Variants in ADAMTS3 observed in about 807,000 individuals in gnomAD.
ADAMTS3 encodes A disintegrin and metalloproteinase with thrombospondin motifs 3.
In ADAMTS3, 73 loss-of-function variants were observed where a neutral mutation model predicts 129.0. The observed-to-expected ratio is 0.57, with a 90% CI of 0.47 to 0.69. ADAMTS3 has a LOEUF of 0.69. ADAMTS3 is among the 30% of genes least tolerant of loss of function. The pLI, the probability that ADAMTS3 is intolerant of heterozygous loss-of-function variation, is 0.00. For missense variants in ADAMTS3, 1,457 were observed against 1,514.5 expected, an observed-to-expected ratio of 0.96 and a Z score of 0.63; for synonymous variants, 477 against 510.8, an observed-to-expected ratio of 0.93 and a Z score of 0.89.
intron 2 of ADAMTS3, 54 bp from the exon 3 acceptor site, chr4:72,548,938 G>T: frequency 6.5e-7 from 1 of 1,532,900 alleles, no homozygotes; most frequent in South Asian, 1.2e-5. Flanking sequence ...GAACACAGGA[G>T]AACATAACAC....
chr4:72,316,458 G>C (rs369325398), intron 10 of ADAMTS3, among the ~76,000 whole-genome samples: 1 of 152,192 alleles, frequency 6.6e-6, no homozygotes, highest in East Asian at 1.9e-4. Context: ...GGCTGAGATG[G>C]GTGGATCACC....
chr4:72,442,326 T>G (rs893176592), intron 3 of ADAMTS3: 4 of 151,826 alleles, frequency 2.6e-5, no homozygotes, highest in Non-Finnish European at 5.9e-5. Flanking sequence ...AGAGGTTTAT[T>G]TGTCCTGCAG....
At chr4:72,539,173 T>TA (rs1470067026) in intron 3 of ADAMTS3, among the ~76,000 whole-genome samples, 28 of 151,848 alleles carry the variant, frequency 1.8e-4, no homozygotes, top group Non-Finnish European at 2.7e-4. Flanking sequence ...TTCATGAAAA[T>TA]AAAAAGATTT....
chr4:72,339,422 G>T, intron 5 of ADAMTS3, 72 bp downstream of exon 5: 1 of 1,479,266 alleles, frequency 6.8e-7, no homozygotes, highest in Non-Finnish European at 9.4e-7. Context: ...CACACAGATT[G>T]CCAAAGGGTA....
chr4:72,478,337 A>C (rs1255013392), intron 3 of ADAMTS3, among the ~76,000 whole-genome samples: 1 of 150,166 alleles, frequency 6.7e-6, no homozygotes, highest in African/African-American at 2.4e-5. Context: ...CAAAAAGCTT[A>C]TCCACCATGA....
chr4:72,345,775 A>C (rs1245825322), intron 4 of ADAMTS3, among the ~76,000 whole-genome samples: 1 of 152,160 alleles, frequency 6.6e-6, no homozygotes, highest in Non-Finnish European at 1.5e-5. Flanking sequence ...TTTAGATGGG[A>C]AACTTCTTAC....
intron 4 of ADAMTS3, among the ~76,000 whole-genome samples, chr4:72,398,153 T>C (rs1578644549): frequency 6.6e-6 from 1 of 152,160 alleles, no homozygotes; most frequent in South Asian, 2.1e-4. Flanking sequence ...CGGAAAACTA[T>C]TTATATAAAT....
intron 5 of ADAMTS3, among the ~76,000 whole-genome samples, chr4:72,339,062 CAG>C (rs2109831065): frequency 6.6e-6 from 1 of 152,242 alleles, no homozygotes; most frequent in South Asian, 2.1e-4. Flanking sequence ...CAAGAATCCA[CAG>C]AGTTACCAGG....
rs1368787298 is a variant in ADAMTS3, at chr4:72,291,033, G to A, written c.2753C>T (p.Thr918Ile). The A allele has an allele frequency of 5.6e-6, 9 of 1,613,984 alleles. No homozygotes were observed. Among genetic ancestry groups the A allele is most frequent in the Non-Finnish European group, 6.8e-6 (8 of 1,179,934 alleles). ...ATAGCCAGAACTTCCACAGGTTTTG[G>A]TGCAGTGTTCCCATTCTTCTGCTAC... ...LWVAEEWEHCTKTCGSSGYQL... is the reference protein window; with the variant it reads ...LWVAEEWEHCIKTCGSSGYQL... Residue 918 changes from threonine (T) to isoleucine (I), a missense_variant, in exon 20 of 22, where the codon ACC becomes ATC. Coordinates refer to ENST00000286657, the MANE Select transcript of ADAMTS3 (RefSeq NM_014243.3).
intron 3 of ADAMTS3, among the ~76,000 whole-genome samples, chr4:72,513,876 T>C (rs1720381682): frequency 6.6e-6 from 1 of 152,182 alleles, no homozygotes; most frequent in South Asian, 2.1e-4. Flanking sequence ...GTGTCTGTTA[T>C]TAGGGTAAAC....
chr4:72,481,455 G>A (rs1418523549), intron 3 of ADAMTS3, among the ~76,000 whole-genome samples: 5 of 152,098 alleles, frequency 3.3e-5, no homozygotes, highest in Admixed American at 2.0e-4. Flanking sequence ...AAGAAAGAGA[G>A]CTTTTCAGCA....
At position 72,290,850 on chromosome 4, in the gene ADAMTS3, C is replaced by A. The variant is rs767404398; in HGVS notation, c.2931+5G>T. The A allele has an allele frequency of 2.5e-6, 4 of 1,613,600 alleles. No individual in the cohort carries two copies. Among genetic ancestry groups the A allele is most frequent in the Non-Finnish European group, 3.4e-6 (4 of 1,179,742 alleles). On this transcript the variant is annotated splice_donor_5th_base_variant and intron_variant, in intron 20 of 21. Coordinates refer to ENST00000286657, the MANE Select transcript of ADAMTS3 (RefSeq NM_014243.3). ...CTTATGCATGCACGGAATTCACACA[C>A]CTACCTCACTCCAGGGTCCTGTTTT...
At chr4:72,528,520 CT>C (rs1265632557) in intron 3 of ADAMTS3, among the ~76,000 whole-genome samples, 77 of 95,214 alleles carry the variant, frequency 8.1e-4, no homozygotes, top group African/African-American at 3.9e-3. Context: ...AAAGTGAAAA[CT>C]AAAAAAAAAA....
intron 4 of ADAMTS3, among the ~76,000 whole-genome samples, chr4:72,392,267 C>T (rs1158877889): frequency 6.6e-6 from 1 of 152,160 alleles, no homozygotes; most frequent in Non-Finnish European, 1.5e-5. Flanking sequence ...TCTTAGTCTA[C>T]ACATTCCATC....
intron 3 of ADAMTS3, among the ~76,000 whole-genome samples, chr4:72,505,092 G>T (rs1049130492): frequency 1.3e-5 from 2 of 152,128 alleles, no homozygotes; most frequent in Admixed American, 1.3e-4. Flanking sequence ...GACCATTGCT[G>T]GAGAGTTAGT....
At chr4:72,495,917 T>C (rs1020201157) in intron 3 of ADAMTS3, among the ~76,000 whole-genome samples, 1 of 152,198 alleles carries the variant, frequency 6.6e-6, no homozygotes, top group Admixed American at 6.5e-5. Context: ...CAGCACTATT[T>C]CTGGTCTACA....
rs1722130497 is a variant in ADAMTS3 at position 72,409,349 on chromosome 4, C to T, written c.661+5466G>A. On this transcript the variant is annotated intron_variant, in intron 4 of 21. Transcript: ENST00000286657. ...CAGCTTTTTTCTGAGTAGGCAATTA[C>T]TTAATTTAAGAATCAAGATCTGGCC... Among the ~76,000 whole-genome samples, 3 of 152,244 alleles carry T rather than the reference C, an allele frequency of 2.0e-5. No individual in the cohort carries two copies. In the South Asian group the frequency reaches 6.2e-4, roughly 32 times the overall value.
chr4:72,546,561 T>C (rs1721472453), intron 3 of ADAMTS3, among the ~76,000 whole-genome samples: 1 of 152,134 alleles, frequency 6.6e-6, no homozygotes, highest in Non-Finnish European at 1.5e-5. Flanking sequence ...AGCTAGTCAG[T>C]TCTTCCACTC....
chr4:72,526,506 A>C (rs1720810239), intron 3 of ADAMTS3, among the ~76,000 whole-genome samples: 1 of 150,552 alleles, frequency 6.6e-6, no homozygotes, highest in Middle Eastern at 3.5e-3. Context: ...AAATATATAG[A>C]ATATAAATAT....
Sources: allele counts gnomAD v4.1 joint callset (sites outside exome capture counted in the v4.1 genomes callset), GRCh38; gene constraint gnomAD v4.1.1; transcripts MANE v1.5; gene names NCBI Gene and HGNC (gene_info 2026-07-23, HGNC 2026-07-21).